Variants in CRPPA observed in about 807,000 individuals in gnomAD.
CRPPA encodes CDP-L-ribitol pyrophosphorylase A.
CRPPA carries 43 observed loss-of-function variants against 52.0 expected under a neutral mutation model. That is an observed-to-expected ratio of 0.83 (90% CI 0.65 to 1.07). CRPPA has a LOEUF of 1.07. Ranked by LOEUF, CRPPA falls within the 50% of genes least tolerant of loss-of-function variation. CRPPA has a pLI of 0.00. For missense variants in CRPPA, 629 were observed against 551.7 expected (o/e 1.14, Z -1.40); for synonymous variants, 250 against 203.5 (o/e 1.23, Z -1.94).
At chr7:16,247,260 C>G (rs529193315) in intron 8 of CRPPA, among the ~76,000 whole-genome samples, 88 of 152,306 alleles carry the variant, frequency 5.8e-4, no homozygotes, top group African/African-American at 2.0e-3. Flanking sequence ...GGAATTAGGG[C>G]CTTCCTCTAA....
chr7:16,196,497 G>A (rs1037450191), intron 9 of CRPPA, among the ~76,000 whole-genome samples: 4 of 152,132 alleles, frequency 2.6e-5, no homozygotes, highest in African/African-American at 4.8e-5. Flanking sequence ...GAAATAGTGA[G>A]GTTATCTTCG....
intron 5 of CRPPA, among the ~76,000 whole-genome samples, chr7:16,286,097 A>AAAAAAAAAATATATATATATATAT: frequency 2.6e-4 from 10 of 39,114 alleles, no homozygotes; most frequent in Non-Finnish European, 4.1e-4. Flanking sequence ...TAAAAAAAAA[A>AAAAAAAAAATATATATATATATAT]ATATATATAT....
At chr7:16,314,437 C>G (rs559632839) in intron 3 of CRPPA, among the ~76,000 whole-genome samples, 2 of 151,978 alleles carry the variant, frequency 1.3e-5, no homozygotes, top group Non-Finnish European at 2.9e-5. Context: ...TCAGATACAT[C>G]GTTGCTATTA....
intron 5 of CRPPA, among the ~76,000 whole-genome samples, chr7:16,297,950 C>T (rs1243052370): frequency 6.6e-6 from 1 of 152,192 alleles, no homozygotes; most frequent in East Asian, 1.9e-4. Context: ...CCTGCTGGTT[C>T]TGTTTCTCTA....
chr7:16,177,666 T>C (rs1781330024), intron 9 of CRPPA, among the ~76,000 whole-genome samples: 1 of 152,176 alleles, frequency 6.6e-6, no homozygotes, highest in Admixed American at 6.6e-5. Context: ...CATCTTGTTA[T>C]AGTACTAAGA....
chr7:16,373,502 G>C lies in CRPPA; in HGVS notation c.684+2590C>G, dbSNP rs569215590. On this transcript the variant is annotated intron_variant, in intron 3 of 9. Coordinates refer to ENST00000407010, the MANE Select transcript of CRPPA (RefSeq NM_001101426.4). The stretch of plus-strand genomic sequence containing the variant: ...CAGATACCATCCCTGCCTTCACAGG[G>C]CTCACAGCCTAGCAGAGGAGTTTGA... Among the ~76,000 whole-genome samples the C allele has an allele frequency of 9.2e-5, 14 of 152,270 alleles. No individual in the cohort carries two copies. The South Asian group carries it at 2.9e-3, about 32-fold the overall frequency.
Position 16,325,813 on chromosome 7 carries a change from T to C in CRPPA, c.685-17186A>G, listed in dbSNP as rs182106299. ...GAAACAAAGGATTTGATTTTTAACA[T>C]TAAAGTGCACTGATACAATGGAATC... is the stretch of plus-strand genomic sequence containing the variant. On this transcript the variant is annotated intron_variant, in intron 3 of 9. Coordinates refer to ENST00000407010, the MANE Select transcript of CRPPA (RefSeq NM_001101426.4). 1.1e-3 allele frequency among the ~76,000 whole-genome samples: 170 copies of C among 152,050 alleles called. 1 individual carries two copies. The highest frequency in any genetic ancestry group is 2.1e-3 in the Non-Finnish European group (140 of 67,992).
At position 16,130,500 on chromosome 7, in the gene CRPPA, C is replaced by T. The variant is rs957522372; in HGVS notation, c.1252-38701G>A. On this transcript the variant is annotated intron_variant, in intron 9 of 9. Transcript: ENST00000407010. ...AAAGGAAAAATTTCATTCCTCTGTT[C>T]TATACTATCCATTCCTAAATTGAGG... 2.6e-5 allele frequency among the ~76,000 whole-genome samples: 4 copies of T among 151,820 alleles called. No homozygotes were observed. In the South Asian group the frequency reaches 6.3e-4, roughly 24 times the overall value.
chr7:16,339,768 T>C (rs1449222133), intron 3 of CRPPA, among the ~76,000 whole-genome samples: 1 of 152,216 alleles, frequency 6.6e-6, no homozygotes, highest in Non-Finnish European at 1.5e-5. Flanking sequence ...GTGACATCAC[T>C]GTCTATGCAG....
At chr7:16,308,745 T>C in intron 3 of CRPPA, 118 bp from the exon 4 acceptor site, 3 of 655,906 alleles carry the variant, frequency 4.6e-6, no homozygotes. Flanking sequence ...TCAAACTATT[T>C]AATCAGCTAC....
At chr7:16,153,272 A>G (rs1209259368) in intron 9 of CRPPA, among the ~76,000 whole-genome samples, 1 of 152,048 alleles carries the variant, frequency 6.6e-6, no homozygotes, top group Non-Finnish European at 1.5e-5. Flanking sequence ...CATCAACACA[A>G]CATAAATCAA....
intron 2 of CRPPA, among the ~76,000 whole-genome samples, chr7:16,380,027 T>G (rs1313276499): frequency 6.6e-6 from 1 of 151,276 alleles, no homozygotes; most frequent in Non-Finnish European, 1.5e-5. Context: ...CAACACTACG[T>G]TGAATAGGAG....
intron 9 of CRPPA, among the ~76,000 whole-genome samples, chr7:16,213,985 T>A (rs1167037296): frequency 6.6e-6 from 1 of 152,196 alleles, no homozygotes; most frequent in Non-Finnish European, 1.5e-5. Context: ...TTATTTTACA[T>A]GAGTTACTGA....
At chr7:16,274,286 G>A (rs1360456887) in intron 6 of CRPPA, among the ~76,000 whole-genome samples, 2 of 152,036 alleles carry the variant, frequency 1.3e-5, no homozygotes, top group Non-Finnish European at 2.9e-5. Flanking sequence ...CTGACTTCGT[G>A]ATCCGCCCAC....
intron 9 of CRPPA, among the ~76,000 whole-genome samples, chr7:16,160,674 T>C (rs1783284770): frequency 6.6e-6 from 1 of 152,168 alleles, no homozygotes; most frequent in South Asian, 2.1e-4. Context: ...TATGAAATTT[T>C]ACGTAGTTTT....
intron 2 of CRPPA, among the ~76,000 whole-genome samples, chr7:16,401,230 C>T (rs1257247608): frequency 6.6e-6 from 1 of 152,204 alleles, no homozygotes; most frequent in African/African-American, 2.4e-5. Context: ...AAATAACAGA[C>T]TCTCCTGTTA....
At chr7:16,412,953 T>G (rs1465076285) in intron 1 of CRPPA, among the ~76,000 whole-genome samples, 1 of 152,144 alleles carries the variant, frequency 6.6e-6, no homozygotes, top group East Asian at 1.9e-4. Context: ...AACAGATCTA[T>G]TGGGAACAGA....
intron 3 of CRPPA, among the ~76,000 whole-genome samples, chr7:16,325,165 G>A (rs777530511): frequency 1.3e-5 from 2 of 152,212 alleles, no homozygotes; most frequent in African/African-American, 4.8e-5. Flanking sequence ...ACTAAATCAT[G>A]TTCCATCTGC....
intron 6 of CRPPA, among the ~76,000 whole-genome samples, chr7:16,273,944 G>A (rs1026642283): frequency 2.0e-5 from 3 of 152,176 alleles, no homozygotes; most frequent in Non-Finnish European, 2.9e-5. Flanking sequence ...CTGATTAAAT[G>A]AGCCAACCCC....
Sources: gnomAD v4.1 joint callset for allele counts (sites outside exome capture counted in the v4.1 genomes callset) on GRCh38, gnomAD v4.1.1 for gene constraint, MANE v1.5 for transcripts, NCBI Gene and HGNC (gene_info 2026-07-23, HGNC 2026-07-21) for gene names.